Variants in COL4A1 observed in about 807,000 individuals in gnomAD.
COL4A1 encodes collagen type IV alpha 1 chain, also known as collagen alpha-1(IV) chain.
COL4A1 carries 40 observed loss-of-function variants against 216.6 expected under a neutral mutation model. That is an observed-to-expected ratio of 0.18 (90% CI 0.14 to 0.24). The LOEUF (loss-of-function observed/expected upper bound fraction) is 0.24, where lower values mean the gene tolerates loss of function less well. COL4A1 is among the 10% of genes least tolerant of loss of function. COL4A1 has a pLI of 1.00. For synonymous variants in COL4A1, 839 were observed against 810.7 expected, an observed-to-expected ratio of 1.03 and a Z score of -0.59; for missense variants, 1,628 against 2,196.8, an observed-to-expected ratio of 0.74 and a Z score of 5.18.
chr13:110,266,527 A>T (rs11616893), intron 1 of COL4A1, among the ~76,000 whole-genome samples: 13,165 of 152,262 alleles, frequency 0.086, 797 homozygotes, highest in Non-Finnish European at 0.13. Context: ...CAGCAGCCCA[A>T]AGAAAGGCAG....
chr13:110,227,427 A>AACAC (rs34359178), intron 2 of COL4A1, among the ~76,000 whole-genome samples: 4 of 130,434 alleles, frequency 3.1e-5, no homozygotes, highest in Non-Finnish European at 6.6e-5. Context: ...CACACACACA[A>AACAC]ACACACACAA....
chr13:110,166,872 T>C (rs573861966), intron 44 of COL4A1, among the ~76,000 whole-genome samples: 63 of 152,336 alleles, frequency 4.1e-4, no homozygotes, highest in Non-Finnish European at 6.8e-4. Flanking sequence ...AAATGTGTGT[T>C]TAATATATGA....
At chr13:110,171,614 G>A (rs985320593) in intron 41 of COL4A1, among the ~76,000 whole-genome samples, 4 of 152,164 alleles carry the variant, frequency 2.6e-5, no homozygotes, top group African/African-American at 4.8e-5. Context: ...AAAGGAAAAG[G>A]GAATGAAATA....
intron 2 of COL4A1, among the ~76,000 whole-genome samples, chr13:110,229,658 G>A (rs1880919742): frequency 6.6e-6 from 1 of 152,168 alleles, no homozygotes; most frequent in Admixed American, 6.5e-5. Context: ...TTAGAAAAAA[G>A]ACCCCAGAGA....
Position 110,178,071 on chromosome 13 carries a change from C to A in COL4A1, c.2619G>T (p.Gly873=). Reference sequence around the variant, plus strand: ...AGTTCAAAAATCACTTACCTGGAAACCCAGGAATCCCAGGAGCCCCCTGCT... The same window carrying A: ...AGTTCAAAAATCACTTACCTGGAAAACCAGGAATCCCAGGAGCCCCCTGCT... The part of the protein sequence containing the change: ...PGQQGAPGIP[G]FPGSKGEMGV... The change falls in exon 32 of 52, where the codon GGG becomes GGT. Residue 873 remains glycine, a synonymous_variant. Transcript: ENST00000375820. The A allele has an allele frequency of 6.2e-7, 1 of 1,614,124 alleles. No individual in the cohort carries two copies. Among genetic ancestry groups the A allele is most frequent in the South Asian group, 1.1e-5 (1 of 91,082 alleles).
In COL4A1 at chr13:110,183,172, T is replaced by C. The variant is rs896621557; in HGVS notation, c.1990+12A>G. 1.9e-6 allele frequency: 3 copies of C among 1,613,804 alleles called. No homozygotes were observed. Among genetic ancestry groups the C allele is most frequent in the Non-Finnish European group, 2.5e-6 (3 of 1,179,942 alleles). ...CTCGTGGTATCCCGGTGAGCTGGAA[T>C]TCCAATCGTACCTTGGGGACCTGGG... On this transcript the variant is annotated intron_variant, in intron 27 of 51. Transcript: ENST00000375820.
chr13:110,168,781 A>G (rs1015602509), intron 43 of COL4A1, among the ~76,000 whole-genome samples: 2 of 152,130 alleles, frequency 1.3e-5, no homozygotes, highest in Non-Finnish European at 2.9e-5. Context: ...AATCCCTCCT[A>G]TTCATGATCT....
chr13:110,253,799 ATATATGTATAATTATACG>A (rs1882381018), intron 1 of COL4A1, among the ~76,000 whole-genome samples: 3 of 102,772 alleles, frequency 2.9e-5, no homozygotes, highest in Non-Finnish European at 6.8e-5. Context: ...AATTATACGT[ATATATGTATAATTATACG>A]TATGTATGTA....
At chr13:110,262,771 C>T (rs1050907562) in intron 1 of COL4A1, among the ~76,000 whole-genome samples, 2 of 152,202 alleles carry the variant, frequency 1.3e-5, no homozygotes, top group African/African-American at 4.8e-5. Flanking sequence ...TCCAGCTGTC[C>T]TGATCTGCTT....
chr13:110,252,713 TTATACA>T (rs1235000631), intron 1 of COL4A1, among the ~76,000 whole-genome samples: 2 of 119,300 alleles, frequency 1.7e-5, no homozygotes, highest in Non-Finnish European at 3.4e-5. Context: ...TATATATGTA[TTATACA>T]TATAATTATA....
At chr13:110,194,342 C>A (rs1306289188) in intron 22 of COL4A1, among the ~76,000 whole-genome samples, 1 of 152,224 alleles carries the variant, frequency 6.6e-6, no homozygotes, top group South Asian at 2.1e-4. Flanking sequence ...ATTTGAGGGA[C>A]AGCCTCCTAT....
intron 1 of COL4A1, among the ~76,000 whole-genome samples, chr13:110,284,736 C>G (rs34097827): frequency 2.6e-5 from 4 of 152,086 alleles, no homozygotes; most frequent in Admixed American, 6.5e-5. Flanking sequence ...CTCGAATGGG[C>G]TTAGTATTCA....
chr13:110,164,056 A>G (rs1253640607), intron 46 of COL4A1, among the ~76,000 whole-genome samples: 1 of 133,536 alleles, frequency 7.5e-6, no homozygotes, highest in African/African-American at 2.8e-5. Context: ...TGGTGTGACC[A>G]CCGCTCACTG....
At chr13:110,169,926 A>AGGG (rs781452346) in intron 42 of COL4A1, among the ~76,000 whole-genome samples, 164 bp from the exon 43 acceptor site, 2,251 of 138,994 alleles carry the variant, frequency 0.016, 19 homozygotes, top group Non-Finnish European at 0.025. Flanking sequence ...GGAAGGAAGG[A>AGGG]AGGAGGGAGG....
chr13:110,246,028 T>G (rs693831), intron 1 of COL4A1, among the ~76,000 whole-genome samples: 1 of 151,942 alleles, frequency 6.6e-6, no homozygotes, highest in Non-Finnish European at 1.5e-5. Flanking sequence ...TTCTAAAAAA[T>G]TGATCATTCC....
At chr13:110,276,095 A>G (rs1030301411) in intron 1 of COL4A1, among the ~76,000 whole-genome samples, 9 of 151,806 alleles carry the variant, frequency 5.9e-5, no homozygotes, top group African/African-American at 1.9e-4. Flanking sequence ...AGGTTCACGC[A>G]CTGTAGCCAA....
intron 1 of COL4A1, among the ~76,000 whole-genome samples, chr13:110,281,847 C>A (rs531983392): frequency 6.6e-6 from 1 of 152,196 alleles, no homozygotes; most frequent in Non-Finnish European, 1.5e-5. Flanking sequence ...TTCAGAGAGT[C>A]GGCACACAGT....
At position 110,181,352 on chromosome 13, in the gene COL4A1, C is replaced by A. The variant is rs770867173; in HGVS notation, c.2133G>T (p.Gly711=). ...CATTAAATCCCGGGCGACCTGGAGTCCCCGGTGGCCCCATGTCTCCAGGTA... is the reference window on the plus strand; with the variant it reads ...CATTAAATCCCGGGCGACCTGGAGTACCCGGTGGCCCCATGTCTCCAGGTA... ...DGLPGDMGPP[G]TPGRPGFNGL... Residue 711 remains glycine (G), a synonymous_variant, in exon 29 of 52, where the codon GGG becomes GGT. Transcript: ENST00000375820. 1.9e-6 allele frequency: 3 copies of A among 1,613,828 alleles called. No homozygotes were observed. In the South Asian group the frequency reaches 3.3e-5, roughly 18 times the overall value.
intron 50 of COL4A1, among the ~76,000 whole-genome samples, chr13:110,154,442 G>A (rs3825482): frequency 2.0e-5 from 3 of 152,206 alleles, no homozygotes; most frequent in Non-Finnish European, 2.9e-5. Flanking sequence ...CTTCGTGGAG[G>A]CCACGGCCAG....
Sources: gnomAD v4.1 joint callset for allele counts (sites outside exome capture counted in the v4.1 genomes callset) on GRCh38, gnomAD v4.1.1 for gene constraint, MANE v1.5 for transcripts, NCBI Gene and HGNC (gene_info 2026-07-23, HGNC 2026-07-21) for gene names.